Variants in MSRB3 observed in about 807,000 individuals in gnomAD.
MSRB3 encodes the protein methionine sulfoxide reductase B3.
A neutral mutation model predicts 21.0 loss-of-function variants in MSRB3; 13 were observed. That is an observed-to-expected ratio of 0.62 (90% confidence interval 0.40 to 0.98). The LOEUF (loss-of-function observed/expected upper bound fraction) is 0.98. MSRB3 is among the 50% of genes least tolerant of loss of function. The pLI, the probability that MSRB3 is intolerant of heterozygous loss-of-function variation, is 0.00. For synonymous variants in MSRB3, 87 were observed against 88.6 expected (o/e 0.98, Z 0.10); for missense variants, 199 against 230.3 (o/e 0.86, Z 0.88).
intron 4 of MSRB3, among the ~76,000 whole-genome samples, chr12:65,347,908 A>G (rs1272759082): frequency 6.6e-6 from 1 of 152,124 alleles, no homozygotes; most frequent in Non-Finnish European, 1.5e-5. Flanking sequence ...CGTATGTTGA[A>G]CCAGCCTTGT....
At chr12:65,369,255 G>T (rs896794682) in intron 5 of MSRB3, among the ~76,000 whole-genome samples, 2 of 151,986 alleles carry the variant, frequency 1.3e-5, no homozygotes, top group Admixed American at 6.6e-5. Context: ...ACCTATATCT[G>T]CAGAGTTTCA....
intron 1 of MSRB3, chr12:65,286,125 T>A (rs924621117): frequency 6.6e-6 from 1 of 152,234 alleles, no homozygotes; most frequent in Non-Finnish European, 1.5e-5. Flanking sequence ...AATTCTCATA[T>A]ATTTGGAAAG....
At chr12:65,462,977 G>A (rs561562029) in intron 6 of MSRB3, among the ~76,000 whole-genome samples, 178 bp from the exon 7 acceptor site, 15 of 152,312 alleles carry the variant, frequency 9.8e-5, no homozygotes, top group Admixed American at 3.3e-4. Flanking sequence ...CTCAGCATGT[G>A]GCGCAAAGCC....
chr12:65,354,362 C>G (rs1215612076), intron 4 of MSRB3, among the ~76,000 whole-genome samples: 2 of 152,048 alleles, frequency 1.3e-5, no homozygotes, highest in Non-Finnish European at 2.9e-5. Context: ...TTCAGGTACA[C>G]CAATCAGACG....
chr12:65,355,535 T>C (rs1308071418), intron 4 of MSRB3, among the ~76,000 whole-genome samples: 1 of 151,932 alleles, frequency 6.6e-6, no homozygotes, highest in Non-Finnish European at 1.5e-5. Context: ...CTTTTGTTCA[T>C]TCATGTCTTG....
At chr12:65,350,079 T>C (rs1165533011) in intron 4 of MSRB3, among the ~76,000 whole-genome samples, 1 of 151,988 alleles carries the variant, frequency 6.6e-6, no homozygotes, top group Non-Finnish European at 1.5e-5. Context: ...CTTGAATTGA[T>C]TTTTGTATAA....
At chr12:65,360,225 A>G (rs1877623376) in intron 4 of MSRB3, among the ~76,000 whole-genome samples, 2 of 152,158 alleles carry the variant, frequency 1.3e-5, no homozygotes, top group Admixed American at 1.3e-4. Flanking sequence ...GGGTTAAAAT[A>G]TCAACATACG....
At chr12:65,408,151 A>G (rs1394345579) in intron 5 of MSRB3, among the ~76,000 whole-genome samples, 3 of 151,624 alleles carry the variant, frequency 2.0e-5, no homozygotes, top group East Asian at 3.9e-4. Context: ...CTGGAGTGCA[A>G]TGGTGCGATC....
At chr12:65,354,001 A>T (rs1235446939) in intron 4 of MSRB3, among the ~76,000 whole-genome samples, 1 of 151,918 alleles carries the variant, frequency 6.6e-6, no homozygotes, top group Non-Finnish European at 1.5e-5. Context: ...GTTTGGCTGG[A>T]TATGAAATTC....
At chr12:65,423,331 T>C (rs1881420073) in intron 5 of MSRB3, among the ~76,000 whole-genome samples, 1 of 152,092 alleles carries the variant, frequency 6.6e-6, no homozygotes, top group African/African-American at 2.4e-5. Flanking sequence ...CCAATTTGGG[T>C]GTATTTTATT....
intron 5 of MSRB3, among the ~76,000 whole-genome samples, chr12:65,420,322 G>A (rs929599875): frequency 1.0e-4 from 15 of 147,878 alleles, no homozygotes; most frequent in African/African-American, 3.7e-4. Context: ...ATCTGGTAAT[G>A]TGATGCCTTC....
At chr12:65,441,020 G>A (rs1171130777) in intron 5 of MSRB3, among the ~76,000 whole-genome samples, 2 of 151,718 alleles carry the variant, frequency 1.3e-5, no homozygotes, top group Non-Finnish European at 2.9e-5. Context: ...TTATGGGTAT[G>A]CTTGGACCTT....
intron 5 of MSRB3, among the ~76,000 whole-genome samples, chr12:65,450,079 T>G (rs1882790041): frequency 6.6e-6 from 1 of 151,708 alleles, no homozygotes; most frequent in Non-Finnish European, 1.5e-5. Flanking sequence ...TAAGCTACAT[T>G]ATGGGTTGGA....
At chr12:65,304,533 G>A (rs1453509354) in intron 1 of MSRB3, among the ~76,000 whole-genome samples, 4 of 152,162 alleles carry the variant, frequency 2.6e-5, no homozygotes, top group South Asian at 4.1e-4. Context: ...GGTGGCTCAC[G>A]CCTGTAATCC....
rs940659233 is a variant in MSRB3 at position 65,465,685 on chromosome 12, G to A, written c.*2363G>A. The A allele has an allele frequency of 2.6e-5, 4 of 152,042 alleles. No homozygotes were observed. Among genetic ancestry groups the A allele is most frequent in the Non-Finnish European group, 5.9e-5 (4 of 68,036 alleles). The allele number at this position is 152,042 out of a possible 1,614,324, so 9.4% of individuals were successfully genotyped here. ...TCTGAGCATCCAGATGTTCCCTCAG[G>A]TTCCAAGACATTTCACCCCAGGCCC... On this transcript the variant is annotated 3_prime_UTR_variant, in exon 7 of 7. Coordinates refer to ENST00000308259, the MANE Select transcript of MSRB3 (RefSeq NM_001031679.3).
intron 1 of MSRB3, among the ~76,000 whole-genome samples, chr12:65,294,279 C>T (rs1872825037): frequency 6.6e-6 from 1 of 152,200 alleles, no homozygotes; most frequent in African/African-American, 2.4e-5. Flanking sequence ...GGCCTACCTG[C>T]CCTCTGGCCT....
intron 6 of MSRB3, among the ~76,000 whole-genome samples, chr12:65,458,902 C>CT (rs1416911273): frequency 6.6e-6 from 1 of 152,204 alleles, no homozygotes; most frequent in Non-Finnish European, 1.5e-5. Context: ...AATTATTCAA[C>CT]AGCCTCTCCC....
chr12:65,430,036 CA>C (rs1881802908), intron 5 of MSRB3, among the ~76,000 whole-genome samples: 1 of 151,970 alleles, frequency 6.6e-6, no homozygotes, highest in Non-Finnish European at 1.5e-5. Context: ...TCAGAGATGA[CA>C]ATTGAATTGC....
intron 2 of MSRB3, among the ~76,000 whole-genome samples, chr12:65,309,545 T>G (rs561618287): frequency 6.6e-6 from 1 of 152,288 alleles, no homozygotes; most frequent in African/African-American, 2.4e-5. Context: ...GTGAGGACCA[T>G]TAAATCATAT....
Sources: gnomAD v4.1 joint callset for allele counts (sites outside exome capture counted in the v4.1 genomes callset) on GRCh38, gnomAD v4.1.1 for gene constraint, MANE v1.5 for transcripts, NCBI Gene and HGNC (gene_info 2026-07-23, HGNC 2026-07-21) for gene names.